ARHGAP44: variants seen among roughly 807,000 people sequenced by gnomAD.
The protein encoded by ARHGAP44 is Rho GTPase activating protein 44, also known as rho GTPase-activating protein 44.
A neutral mutation model predicts 106.8 loss-of-function variants in ARHGAP44; 43 were observed. The ratio of observed to expected loss-of-function variants is 0.40; its 90% CI spans 0.32 to 0.52. The LOEUF is 0.52. ARHGAP44 is among the 20% of genes least tolerant of loss of function. The pLI, the probability that ARHGAP44 is intolerant of heterozygous loss-of-function variation, is 0.48. For missense variants in ARHGAP44, 866 were observed against 1,050.5 expected (o/e 0.82, Z 2.43); for synonymous variants, 439 against 410.3 (o/e 1.07, Z -0.85).
chr17:12,841,377 T>C (rs1476357050), intron 1 of ARHGAP44, among the ~76,000 whole-genome samples: 1 of 151,970 alleles, frequency 6.6e-6, no homozygotes, highest in Non-Finnish European at 1.5e-5. Flanking sequence ...GGCAGGCAGA[T>C]TGCTTGAGCT....
intron 18 of ARHGAP44, among the ~76,000 whole-genome samples, chr17:12,977,883 C>A (rs1023931407): frequency 6.6e-6 from 1 of 151,786 alleles, no homozygotes; most frequent in Non-Finnish European, 1.5e-5. Context: ...ACTATAAATA[C>A]AAAAATTAGC....
rs73978273 is a variant in ARHGAP44, at chr17:12,896,382, G to A, written c.94-25G>A. 985 of 1,563,438 alleles carry A rather than the reference G, an allele frequency of 6.3e-4. 5 individuals are homozygous for A. In the African/African-American group the frequency reaches 0.011, roughly 18 times the overall value. ...CCCCTGACCTTGCCCTCTCTCAGTG[G>A]CACCACCCGCTCTTCTCTCTGCAGG... On this transcript the variant is annotated intron_variant, in intron 2 of 20. Coordinates refer to ENST00000379672, the MANE Select transcript of ARHGAP44 (RefSeq NM_014859.6).
chr17:12,810,189 A>C (rs139945422), intron 1 of ARHGAP44, among the ~76,000 whole-genome samples: 1 of 152,178 alleles, frequency 6.6e-6, no homozygotes, highest in Non-Finnish European at 1.5e-5. Flanking sequence ...CCACTGTGTT[A>C]GTTTCCCAGA....
chr17:12,948,209 C>T (rs940697205), intron 10 of ARHGAP44, among the ~76,000 whole-genome samples: 3 of 152,202 alleles, frequency 2.0e-5, no homozygotes, highest in African/African-American at 7.2e-5. Context: ...TTCTCTTTCG[C>T]TTCATAGCTC....
At position 12,811,218 on chromosome 17, in the gene ARHGAP44, C is replaced by T. The variant is rs1394562538; in HGVS notation, c.53+21327C>T. On this transcript the variant is annotated intron_variant, in intron 1 of 20. Coordinates refer to ENST00000379672, the MANE Select transcript of ARHGAP44 (RefSeq NM_014859.6). ...GTCCCAGCTACTTGGGAGGCTGAGG[C>T]AGGAGAATGGTGTGAGCCTGGGAGG... is the stretch of plus-strand genomic sequence containing the variant. 2.0e-5 allele frequency among the ~76,000 whole-genome samples: 3 copies of T among 150,154 alleles called. No individual in the cohort carries two copies. In the Admixed American group the frequency reaches 2.0e-4, roughly 10 times the overall value.
chr17:12,809,315 T>C (rs984603371), intron 1 of ARHGAP44, among the ~76,000 whole-genome samples: 1 of 152,138 alleles, frequency 6.6e-6, no homozygotes, highest in Non-Finnish European at 1.5e-5. Flanking sequence ...CCGGTACCAA[T>C]TTACTATATT....
Position 12,990,365 on chromosome 17 carries a change from T to G in ARHGAP44, c.*194T>G. The G allele has an allele frequency of 1.4e-6, 1 of 700,548 alleles. No homozygotes were observed. Among genetic ancestry groups the G allele is most frequent in the South Asian group, 2.1e-5 (1 of 46,596 alleles). The allele number at this position is 700,548 out of a possible 1,614,324, so 43.4% of individuals were successfully genotyped here. On this transcript the variant is annotated 3_prime_UTR_variant, in exon 21 of 21. Transcript: ENST00000379672. ...ATGCTGGTGGTGCAGGTTTTGTTTG[T>G]TCCTTTCGGGTGGTGACTTCGGCCT...
Position 12,896,496 on chromosome 17 carries a change from G to T in ARHGAP44, c.183G>T (p.Glu61Asp). Residue 61 changes from glutamate (E) to aspartate (D), a missense_variant, in exon 3 of 21, where the codon GAG becomes GAT. Around this residue, in one of 2 missense-constraint regions of ARHGAP44, gnomAD observed 448 missense variants for 646.9 expected, o/e 0.69. Transcript: ENST00000379672. ...TACLQGQQGA[E>D]ADKRSKKLPL... ...GTCTGCAGGGCCAGCAAGGGGCAGAGGCTGACAAGCGCTCCGTAAGTGCCC... is the reference window on the plus strand; with the variant it reads ...GTCTGCAGGGCCAGCAAGGGGCAGATGCTGACAAGCGCTCCGTAAGTGCCC... The T allele has an allele frequency of 6.2e-7, 1 of 1,605,204 alleles. No individual in the cohort carries two copies. The highest frequency in any genetic ancestry group is 8.5e-7 in the Non-Finnish European group (1 of 1,176,298).
intron 7 of ARHGAP44, among the ~76,000 whole-genome samples, chr17:12,930,717 T>C (rs963709255): frequency 4.6e-5 from 7 of 152,262 alleles, no homozygotes; most frequent in African/African-American, 7.2e-5. Context: ...GTCTAGCTTA[T>C]ATTCGCTATT....
intron 4 of ARHGAP44, among the ~76,000 whole-genome samples, chr17:12,914,435 A>T (rs1398707432): frequency 6.6e-6 from 1 of 152,224 alleles, no homozygotes; most frequent in African/African-American, 2.4e-5. Context: ...ATGGTGGTAT[A>T]TTCAAAGAAC....
rs917403685 is a variant in ARHGAP44, at chr17:12,821,135, A to G, written c.53+31244A>G. ...AAACAGCTAAGTCAGAAGAGGTGAC[A>G]TTATAGACTAGCAGAAGGCACTGGC... is the stretch of plus-strand genomic sequence containing the variant. On this transcript the variant is annotated intron_variant, in intron 1 of 20. Coordinates refer to ENST00000379672, the MANE Select transcript of ARHGAP44 (RefSeq NM_014859.6). 8.5e-5 allele frequency among the ~76,000 whole-genome samples: 13 copies of G among 152,292 alleles called. No homozygotes were observed. In the East Asian group the frequency reaches 2.3e-3, roughly 27 times the overall value.
chr17:12,919,956 C>T, intron 6 of ARHGAP44, 125 bp downstream of exon 6: 1 of 705,502 alleles, frequency 1.4e-6, no homozygotes, highest in Non-Finnish European at 2.4e-6. Flanking sequence ...TAACGTGTAC[C>T]AGGCACTGGA....
intron 6 of ARHGAP44, among the ~76,000 whole-genome samples, chr17:12,922,230 C>T (rs2038103012): frequency 6.6e-6 from 1 of 152,082 alleles, no homozygotes; most frequent in South Asian, 2.1e-4. Flanking sequence ...GCTCATCTTC[C>T]TTTGTTAAAA....
chr17:12,981,775 C>T (rs1374118217), intron 19 of ARHGAP44, among the ~76,000 whole-genome samples: 2 of 150,324 alleles, frequency 1.3e-5, no homozygotes, highest in African/African-American at 4.9e-5. Flanking sequence ...CTTTGGGAGG[C>T]TGAGATGGGC....
chr17:12,975,795 CAAAAA>C (rs57364760), intron 18 of ARHGAP44, among the ~76,000 whole-genome samples: 6 of 69,404 alleles, frequency 8.6e-5, no homozygotes, highest in African/African-American at 2.9e-4. Flanking sequence ...GACTCCGTCT[CAAAAA>C]AAAAAAAAAA....
chr17:12,964,922 A>G (rs2039353947), intron 16 of ARHGAP44, among the ~76,000 whole-genome samples: 1 of 152,084 alleles, frequency 6.6e-6, no homozygotes, highest in African/African-American at 2.4e-5. Flanking sequence ...CAAGATGCCC[A>G]TCTGAGACTT....
intron 3 of ARHGAP44, among the ~76,000 whole-genome samples, chr17:12,898,885 G>T (rs1254480225): frequency 6.6e-6 from 1 of 152,188 alleles, no homozygotes; most frequent in African/African-American, 2.4e-5. Context: ...AGTGATAAAC[G>T]TGTAAACTGG....
At chr17:12,901,978 G>T (rs116117722) in intron 3 of ARHGAP44, among the ~76,000 whole-genome samples, 21,907 of 151,994 alleles carry the variant, frequency 0.14, 2,415 homozygotes, top group East Asian at 0.33. Context: ...TGAACACAGT[G>T]GCTCCTATCA....
intron 3 of ARHGAP44, among the ~76,000 whole-genome samples, chr17:12,906,432 AT>A (rs150420038): frequency 0.047 from 7,120 of 152,232 alleles, 596 homozygotes; most frequent in African/African-American, 0.16. Context: ...GCCTTCTGGT[AT>A]TTCTCAACAA....
Sources: gnomAD v4.1 joint callset for allele counts (sites outside exome capture counted in the v4.1 genomes callset) on GRCh38, gnomAD v4.1.1 for gene constraint, gnomAD v4.1.1 regional missense constraint, MANE v1.5 for transcripts, NCBI Gene and HGNC (gene_info 2026-07-23, HGNC 2026-07-21) for gene names.